TEX29: variants seen among roughly 807,000 people sequenced by gnomAD.
The protein encoded by TEX29 is testis-expressed protein 29.
Under a neutral mutation model 18.2 loss-of-function variants are expected in TEX29, and 26 were observed. The ratio of observed to expected loss-of-function variants is 1.43; its 90% CI spans 1.04 to 1.98. The LOEUF (loss-of-function observed/expected upper bound fraction) is 1.98. Among genes scored for constraint, TEX29 ranks in the 30% most tolerant of loss-of-function variants. The pLI, the probability that TEX29 is intolerant of heterozygous loss-of-function variation, is 0.00. For missense variants in TEX29, 177 were observed against 194.2 expected, an observed-to-expected ratio of 0.91 and a Z score of 0.53; for synonymous variants, 83 against 78.5, an observed-to-expected ratio of 1.06 and a Z score of -0.31.
At chr13:111,325,664 C>T (rs1205722377) in intron 2 of TEX29, among the ~76,000 whole-genome samples, 1 of 152,066 alleles carries the variant, frequency 6.6e-6, no homozygotes, top group African/African-American at 2.4e-5. Context: ...TGCATGGCGA[C>T]ATTGTGGAGG....
Position 111,342,918 on chromosome 13 carries a change from G to A in TEX29, c.402G>A (p.Glu134=). ...PSAGPSMKSD[E]DKDDVTGTIT... ...CTGGGCCCTCGATGAAGAGTGACGA[G>A]GATAAGGATGATGGTGAGAAGCTTC... Residue 134 remains glutamate (E), a synonymous_variant, in exon 5 of 6, where the codon GAG becomes GAA. Coordinates refer to ENST00000283547, the MANE Select transcript of TEX29 (RefSeq NM_152324.3). 6.2e-7 allele frequency: 1 copy of A among 1,614,100 alleles called. No individual in the cohort carries two copies. The highest frequency in any genetic ancestry group is 8.5e-7 in the Non-Finnish European group (1 of 1,179,994).
chr13:111,320,669 C>T lies in TEX29; in HGVS notation c.-128C>T. 1.7e-6 allele frequency: 1 copy of T among 604,752 alleles called. No homozygotes were observed. The highest frequency in any genetic ancestry group is 3.0e-6 in the Non-Finnish European group (1 of 336,026). The allele number at this position is 604,752 out of a possible 1,614,324, so 37.5% of individuals were successfully genotyped here. ...AGTGAGCGGCAGACAGAGGGGTGGC[C>T]AGTTTGTTGTTTTACCTAAAAGGTG... On this transcript the variant is annotated 5_prime_UTR_variant, in exon 1 of 6. Transcript: ENST00000283547.
intron 2 of TEX29, among the ~76,000 whole-genome samples, chr13:111,323,132 G>A (rs1346012076): frequency 1.3e-5 from 2 of 152,252 alleles, no homozygotes; most frequent in Admixed American, 6.5e-5. Context: ...GCAGAGCCCT[G>A]CACGCCTCCC....
chr13:111,317,231 C>T (rs1043238383), upstream of TEX29, among the ~76,000 whole-genome samples: 3 of 152,086 alleles, frequency 2.0e-5, no homozygotes, highest in Non-Finnish European at 2.9e-5. Context: ...AACAGCTTCA[C>T]GGAGTGAGGA....
upstream of TEX29, among the ~76,000 whole-genome samples, chr13:111,318,104 C>G (rs1199935613): frequency 6.6e-6 from 1 of 152,192 alleles, no homozygotes; most frequent in Admixed American, 6.5e-5. Context: ...ACTCACACCC[C>G]TGTCTAGGAG....
chr13:111,317,256 C>T (rs1423885495), upstream of TEX29, among the ~76,000 whole-genome samples: 4 of 152,094 alleles, frequency 2.6e-5, no homozygotes, highest in African/African-American at 7.2e-5. Context: ...TCCCGGGAGC[C>T]GTCCACTCTG....
At chr13:111,339,515 G>A (rs565885683) in intron 3 of TEX29, 4 of 424,378 alleles carry the variant, frequency 9.4e-6, no homozygotes, top group African/African-American at 4.1e-5. Flanking sequence ...ACCCCCGGGG[G>A]TCATGAGCCA....
chr13:111,340,102 C>A (rs2093695538), intron 4 of TEX29, among the ~76,000 whole-genome samples, 170 bp downstream of exon 4: 1 of 152,174 alleles, frequency 6.6e-6, no homozygotes, highest in Non-Finnish European at 1.5e-5. Flanking sequence ...GAGGGCCCCA[C>A]TGATTTTCTC....
At chr13:111,333,479 C>T (rs1403535908) in intron 3 of TEX29, among the ~76,000 whole-genome samples, 1 of 152,154 alleles carries the variant, frequency 6.6e-6, no homozygotes, top group African/African-American at 2.4e-5. Context: ...ATTGTTTTGC[C>T]TGCTCAAATC....
upstream of TEX29, among the ~76,000 whole-genome samples, chr13:111,316,568 G>A (rs2093654995): frequency 6.6e-6 from 1 of 152,234 alleles, no homozygotes; most frequent in South Asian, 2.1e-4. Flanking sequence ...CAAGGGCCAG[G>A]GAGTGTAACG....
At chr13:111,318,355 A>G (rs1186105064), upstream of TEX29, among the ~76,000 whole-genome samples, 1 of 152,174 alleles carries the variant, frequency 6.6e-6, no homozygotes, top group Non-Finnish European at 1.5e-5. Flanking sequence ...TCTTAGCTAA[A>G]ATTGTGTCTG....
At chr13:111,342,138 G>C (rs2093697546) in intron 4 of TEX29, among the ~76,000 whole-genome samples, 1 of 152,204 alleles carries the variant, frequency 6.6e-6, no homozygotes, top group East Asian at 1.9e-4. Context: ...CTGGAATCCA[G>C]CATCTCACTC....
intron 3 of TEX29, among the ~76,000 whole-genome samples, chr13:111,336,220 TC>T (rs2093689459): frequency 6.6e-6 from 1 of 152,240 alleles, no homozygotes; most frequent in Admixed American, 6.5e-5. Context: ...TTTTCTTGAC[TC>T]CTGGTTTCTT....
chr13:111,321,681 G>A (rs1453670538), intron 2 of TEX29, among the ~76,000 whole-genome samples: 1 of 152,002 alleles, frequency 6.6e-6, no homozygotes, highest in Non-Finnish European at 1.5e-5. Context: ...CCAGCACTTT[G>A]AGAAGCCAAG....
chr13:111,333,671 G>T (rs1184364663), intron 3 of TEX29, among the ~76,000 whole-genome samples: 1 of 152,218 alleles, frequency 6.6e-6, no homozygotes, highest in Non-Finnish European at 1.5e-5. Context: ...AAGGAAAGAG[G>T]TTTAATTGAC....
Position 111,320,853 on chromosome 13 carries a change from C to A in TEX29, c.-34-4C>A, listed in dbSNP as rs2093662947. On this transcript the variant is annotated splice_region_variant and splice_polypyrimidine_tract_variant and intron_variant, in intron 1 of 5. Transcript: ENST00000283547. ...CGCCCGTGCTGACCTCTCCTGTTTT[C>A]CAGGTGTGCTCGGCCCCTTCATCTG... 6.2e-7 allele frequency: 1 copy of A among 1,613,562 alleles called. No homozygotes were observed. Among genetic ancestry groups the A allele is most frequent in the Non-Finnish European group, 8.5e-7 (1 of 1,179,884 alleles).
chr13:111,319,069 C>G (rs995099407), upstream of TEX29, among the ~76,000 whole-genome samples: 1 of 152,136 alleles, frequency 6.6e-6, no homozygotes, highest in African/African-American at 2.4e-5. Context: ...GATTCCCATT[C>G]GTGAGGCTTC....
In TEX29 at chr13:111,326,589, G is replaced by A. The variant is rs145791442; in HGVS notation, c.59-1594G>A. Among the ~76,000 whole-genome samples the A allele has an allele frequency of 1.6e-3, 232 of 148,760 alleles. 2 individuals are homozygous for A. The highest frequency in any genetic ancestry group is 6.9e-3 in the South Asian group (32 of 4,670). ...GGTGCTGGCGGGTGTCTGGTCGGGT[G>A]GAAGAGACTGCGGGCAGTGCGAGCC... On this transcript the variant is annotated intron_variant, in intron 2 of 5. Coordinates refer to ENST00000283547, the MANE Select transcript of TEX29 (RefSeq NM_152324.3).
upstream of TEX29, among the ~76,000 whole-genome samples, chr13:111,316,415 C>T (rs994719071): frequency 6.6e-6 from 1 of 152,260 alleles, no homozygotes; most frequent in African/African-American, 2.4e-5. Context: ...CGCAGCTCCT[C>T]AGATGCTTCC....
Sources: allele counts gnomAD v4.1 joint callset (sites outside exome capture counted in the v4.1 genomes callset), GRCh38; gene constraint gnomAD v4.1.1; transcripts MANE v1.5; gene names NCBI Gene and HGNC (gene_info 2026-07-23, HGNC 2026-07-21).